CCDC141: variants seen among roughly 807,000 people sequenced by gnomAD.
CCDC141 encodes coiled-coil domain containing 141.
CCDC141 carries 168 observed loss-of-function variants against 181.0 expected under a neutral mutation model. The ratio of observed to expected loss-of-function variants is 0.93; its 90% CI spans 0.82 to 1.05. CCDC141 has a LOEUF of 1.05. Ranked by LOEUF, CCDC141 falls within the 50% of genes least tolerant of loss-of-function variation. The pLI is 0.00. For synonymous variants in CCDC141, 666 were observed against 642.3 expected (o/e 1.04, Z -0.56); for missense variants, 1,902 against 1,788.5 (o/e 1.06, Z -1.14).
At chr2:179,023,280 G>A (rs2042738697) in intron 2 of CCDC141, among the ~76,000 whole-genome samples, 1 of 152,072 alleles carries the variant, frequency 6.6e-6, no homozygotes, top group Non-Finnish European at 1.5e-5. Context: ...CACCTTCTGA[G>A]GTAGGTATTA....
At chr2:178,860,469 G>A (rs1685556756) in intron 17 of CCDC141, among the ~76,000 whole-genome samples, 1 of 142,634 alleles carries the variant, frequency 7.0e-6, no homozygotes, top group Non-Finnish European at 1.5e-5. Context: ...GGAGGCAGAT[G>A]TTGCAGTGAG....
At position 178,944,605 on chromosome 2, in the gene CCDC141, C is replaced by T; in HGVS notation, c.827G>A (p.Ser276Asn). ...ATTGTCTGAAAGTGATGAACCTAGA[C>T]TTTGTTCCTGTAAATTTCTTATAGT... ...QKTIRNLQEQSLGSSLSDNED... is the reference protein window; with the variant it reads ...QKTIRNLQEQNLGSSLSDNED... The change falls in exon 6 of 24, where the codon AGT becomes AAT. Residue 276 changes from serine to asparagine, a missense_variant. Ser to Asn is a conservative substitution (Grantham distance 46). Transcript: ENST00000443758. 6.5e-7 allele frequency: 1 copy of T among 1,534,538 alleles called. No homozygotes were observed. Among genetic ancestry groups the T allele is most frequent in the Non-Finnish European group, 8.8e-7 (1 of 1,139,986 alleles).
intron 6 of CCDC141, among the ~76,000 whole-genome samples, chr2:178,943,611 T>A (rs1471218512): frequency 5.9e-5 from 9 of 152,176 alleles, no homozygotes; most frequent in Admixed American, 5.9e-4. Context: ...TACTTACAAC[T>A]ATCATAATCT....
At chr2:179,047,642 C>T (rs1205189756) in intron 1 of CCDC141, among the ~76,000 whole-genome samples, 1 of 152,112 alleles carries the variant, frequency 6.6e-6, no homozygotes, top group Admixed American at 6.6e-5. Context: ...AAATTATTCT[C>T]TCTTGGCATA....
intron 12 of CCDC141, 44 bp downstream of exon 12, chr2:178,877,920 G>C: frequency 6.6e-7 from 1 of 1,515,144 alleles, no homozygotes; most frequent in Non-Finnish European, 9.2e-7. Context: ...TGACTTTGAT[G>C]AGTATCCCTG....
chr2:178,878,227 T>A, intron 11 of CCDC141, 84 bp from the exon 12 acceptor site: 3 of 580,402 alleles, frequency 5.2e-6, no homozygotes, highest in Non-Finnish European at 8.2e-6. Context: ...AAAACCTATA[T>A]AAAACCTAAA....
intron 7 of CCDC141, among the ~76,000 whole-genome samples, chr2:178,912,927 C>T (rs768049773): frequency 6.6e-6 from 1 of 152,192 alleles, no homozygotes; most frequent in Non-Finnish European, 1.5e-5. Context: ...TCAGTGATCA[C>T]CTCCTCTGGG....
intron 17 of CCDC141, among the ~76,000 whole-genome samples, chr2:178,862,783 G>C (rs928825980): frequency 6.6e-6 from 1 of 152,136 alleles, no homozygotes; most frequent in Non-Finnish European, 1.5e-5. Flanking sequence ...ACTATCATTC[G>C]TTGTCTCTAA....
At chr2:179,022,720 G>A (rs1478857755) in intron 2 of CCDC141, among the ~76,000 whole-genome samples, 1 of 152,110 alleles carries the variant, frequency 6.6e-6, no homozygotes, top group Non-Finnish European at 1.5e-5. Flanking sequence ...GGGTCATTTT[G>A]TTCTCTATAT....
chr2:178,909,493 G>A (rs1466487228), intron 7 of CCDC141, among the ~76,000 whole-genome samples: 2 of 152,166 alleles, frequency 1.3e-5, no homozygotes, highest in African/African-American at 4.8e-5. Context: ...TGCAGACATA[G>A]AAATAAGAGT....
chr2:179,040,363 C>T (rs143184404), intron 2 of CCDC141, among the ~76,000 whole-genome samples: 2 of 152,188 alleles, frequency 1.3e-5, no homozygotes, highest in African/African-American at 4.8e-5. Context: ...AACCCCTCTT[C>T]TTTCTTTTAT....
chr2:178,882,990 C>A (rs921744644), intron 11 of CCDC141, among the ~76,000 whole-genome samples: 1 of 152,102 alleles, frequency 6.6e-6, no homozygotes. Flanking sequence ...ATGGAAGACT[C>A]TGCCAGGTAG....
At chr2:178,951,523 C>CCATT (rs1208322521) in intron 5 of CCDC141, among the ~76,000 whole-genome samples, 1 of 152,052 alleles carries the variant, frequency 6.6e-6, no homozygotes, top group Non-Finnish European at 1.5e-5. Context: ...TTAAAGCATG[C>CCATT]CATTGATTGT....
At chr2:178,819,577 T>A in the CCDC141 span, among the ~76,000 whole-genome samples, 1 of 152,234 alleles carries the variant, frequency 6.6e-6, no homozygotes, top group African/African-American at 2.4e-5. Context: ...TTTCCTTAAA[T>A]AGTGGTTCTC....
intron 2 of CCDC141, among the ~76,000 whole-genome samples, chr2:178,999,840 C>A (rs1427893753): frequency 1.3e-5 from 2 of 152,044 alleles, no homozygotes; most frequent in Non-Finnish European, 2.9e-5. Flanking sequence ...TCTCAGCAAA[C>A]CTTCCCTGAC....
chr2:178,942,057 C>T (rs1179391737), intron 6 of CCDC141, among the ~76,000 whole-genome samples: 1 of 147,444 alleles, frequency 6.8e-6, no homozygotes, highest in African/African-American at 2.5e-5. Flanking sequence ...GGTTTCTATG[C>T]CTCACTTTTC....
intron 8 of CCDC141, among the ~76,000 whole-genome samples, chr2:178,894,697 C>T (rs1687323019): frequency 6.6e-6 from 1 of 151,772 alleles, no homozygotes; most frequent in South Asian, 2.1e-4. Context: ...ACCCTGAGGA[C>T]CCATGGAGAG....
chr2:178,988,478 AT>A (rs1290682127), intron 2 of CCDC141, among the ~76,000 whole-genome samples: 14 of 126,492 alleles, frequency 1.1e-4, no homozygotes, highest in African/African-American at 3.6e-4. Flanking sequence ...ATAATAAAAA[AT>A]AAATAATAAA....
At chr2:179,015,580 T>TATATATATCTC (rs1559050160) in intron 2 of CCDC141, among the ~76,000 whole-genome samples, 49 of 82,274 alleles carry the variant, frequency 6.0e-4, no homozygotes, top group East Asian at 1.6e-3. Context: ...ATATATCTCA[T>TATATATATCTC]ATATATCTCA....
Sources: gnomAD v4.1 joint callset for allele counts (sites outside exome capture counted in the v4.1 genomes callset) on GRCh38, gnomAD v4.1.1 for gene constraint, MANE v1.5 for transcripts, NCBI Gene and HGNC (gene_info 2026-07-23, HGNC 2026-07-21) for gene names.